TRDN: variants seen among roughly 807,000 people sequenced by gnomAD.
TRDN encodes triadin in skeletal muscle.
A neutral mutation model predicts 149.7 loss-of-function variants in TRDN; 161 were observed. The observed-to-expected ratio is 1.08, with a 90% confidence interval of 0.95 to 1.23. The LOEUF (loss-of-function observed/expected upper bound fraction) is 1.23, where lower values mean the gene tolerates loss of function less well. Ranked by LOEUF, TRDN falls within the 50% of genes most tolerant of loss-of-function variation. TRDN has a pLI of 0.00. For missense variants in TRDN, 896 were observed against 823.5 expected (o/e 1.09, Z -1.08); for synonymous variants, 294 against 250.5 (o/e 1.17, Z -1.64).
rs1391180722 is a variant in TRDN at position 123,516,164 on chromosome 6, TC to T, written c.526del (p.Glu176LysfsTer47). 1 of 1,492,342 alleles carries T rather than the reference TC, an allele frequency of 6.7e-7. No individual in the cohort carries two copies. Among genetic ancestry groups the T allele is most frequent in the Non-Finnish European group, 9.0e-7 (1 of 1,108,944 alleles). 92.4% of individuals were successfully genotyped at this position (1,492,342 alleles called of 1,614,324 possible). ...EKEKGKEKVR[E>X]KEKPEKKATH... The stretch of plus-strand genomic sequence containing the variant: ...ACCTTTCTTTTCAGGTTTTTCTTTT[TC>T]TCTTACTTTTTCTTTTCCTTTTTCT... On this transcript the variant is annotated frameshift_variant, in exon 6 of 41. Transcript: ENST00000334268. LOFTEE classifies it high-confidence loss of function.
chr6:123,489,052 TTTAATA>T (rs1778093355), intron 9 of TRDN: 1 of 152,184 alleles, frequency 6.6e-6, no homozygotes. Flanking sequence ...GATTCTGTGC[TTTAATA>T]TTATCACCTT....
chr6:123,375,611 T>G lies in TRDN; in HGVS notation c.1267A>C (p.Lys423Gln). Residue 423 changes from lysine (K) to glutamine (Q), a missense_variant, in exon 19 of 41, where the codon AAA (lysine) becomes CAA (glutamine). By Grantham distance (53) the Lys-to-Gln change is moderately conservative. Transcript: ENST00000334268. ...EHSVPSDKQVKAKTERAKEEI... is the reference protein window; with the variant it reads ...EHSVPSDKQVQAKTERAKEEI... ...AAAATTTTGTTCAACATACTTGCTT[T>G]TACTTGTTTGTCACTTGGAACTGTT... 2.6e-6 allele frequency: 4 copies of G among 1,533,814 alleles called. No homozygotes were observed. The highest frequency in any genetic ancestry group is 3.5e-6 in the Non-Finnish European group (4 of 1,139,198).
intron 1 of TRDN, among the ~76,000 whole-genome samples, chr6:123,600,655 G>T (rs1307641420): frequency 6.6e-6 from 1 of 152,032 alleles, no homozygotes; most frequent in Admixed American, 6.6e-5. Context: ...GACACACGGG[G>T]ATATGAAGTG....
At chr6:123,437,315 G>A (rs964719074) in intron 12 of TRDN, 1 of 294,716 alleles carries the variant, frequency 3.4e-6, no homozygotes, top group African/African-American at 2.3e-5. Flanking sequence ...TTTTCTTAGA[G>A]CATTTACTTC....
chr6:123,372,517 A>C (rs1405194371), intron 19 of TRDN, among the ~76,000 whole-genome samples: 1 of 152,120 alleles, frequency 6.6e-6, no homozygotes, highest in Non-Finnish European at 1.5e-5. Flanking sequence ...TTTCCTCAAA[A>C]TTCAAACTGA....
intron 1 of TRDN, among the ~76,000 whole-genome samples, chr6:123,635,825 C>T (rs1339615467): frequency 6.6e-6 from 1 of 151,894 alleles, no homozygotes; most frequent in African/African-American, 2.4e-5. Context: ...AGTTTTACCT[C>T]AACTAGAACC....
intron 12 of TRDN, among the ~76,000 whole-genome samples, chr6:123,400,041 T>G (rs981859166): frequency 1.3e-5 from 2 of 151,582 alleles, no homozygotes; most frequent in Non-Finnish European, 2.9e-5. Flanking sequence ...GCATTCTCCA[T>G]ATGAGTGATT....
Position 123,273,399 on chromosome 6 carries a change from C to T in TRDN, c.1598-36G>A, listed in dbSNP as rs7751099. ...TAAATAACATATTAGATTAAATTACCTGCAAAATGGAGTATTTAACAATAA... is the reference window on the plus strand; with the variant it reads ...TAAATAACATATTAGATTAAATTACTTGCAAAATGGAGTATTTAACAATAA... On this transcript the variant is annotated intron_variant, in intron 27 of 40. Coordinates refer to ENST00000334268, the MANE Select transcript of TRDN (RefSeq NM_006073.4). The T allele has an allele frequency of 7.5e-3, 6,731 of 898,090 alleles. 219 individuals carry two copies. The highest frequency in any genetic ancestry group is 0.06 in the South Asian group (2,907 of 48,854). The allele number at this position is 898,090 out of a possible 1,614,324, so 55.6% of individuals were successfully genotyped here.
intron 12 of TRDN, among the ~76,000 whole-genome samples, chr6:123,423,222 T>C (rs1773983898): frequency 6.6e-6 from 1 of 152,182 alleles, no homozygotes; most frequent in African/African-American, 2.4e-5. Flanking sequence ...GAATTTTGTT[T>C]CCTATTTTAT....
chr6:123,520,600 T>G (rs866685853), intron 5 of TRDN, among the ~76,000 whole-genome samples: 2 of 152,204 alleles, frequency 1.3e-5, no homozygotes, highest in Non-Finnish European at 2.9e-5. Flanking sequence ...AAAGTGAAGA[T>G]CAGGCAAATT....
intron 21 of TRDN, among the ~76,000 whole-genome samples, chr6:123,339,243 G>A (rs1304457227): frequency 6.6e-6 from 1 of 152,110 alleles, no homozygotes; most frequent in Non-Finnish European, 1.5e-5. Flanking sequence ...GACCTCAAGT[G>A]ATCTGCTGAA....
chr6:123,306,103 T>A (rs781279285), intron 24 of TRDN, among the ~76,000 whole-genome samples: 2 of 152,182 alleles, frequency 1.3e-5, no homozygotes, highest in Non-Finnish European at 2.9e-5. Flanking sequence ...GCCTGTCTAA[T>A]CTTTGTAAAG....
intron 6 of TRDN, among the ~76,000 whole-genome samples, chr6:123,514,257 AG>A (rs1779319003): frequency 1.3e-5 from 2 of 152,028 alleles, no homozygotes; most frequent in Admixed American, 1.3e-4. Flanking sequence ...TCTCATGCTG[AG>A]GCATGAGAAT....
chr6:123,570,976 CACGTGATTATCAGGGCA>C lies in TRDN; in HGVS notation c.162_178del (p.Ile54MetfsTer10), dbSNP rs2114537397. 1 of 1,613,854 alleles carries C rather than the reference CACGTGATTATCAGGGCA, an allele frequency of 6.2e-7. No individual in the cohort carries two copies. Among genetic ancestry groups the C allele is most frequent in the Non-Finnish European group, 8.5e-7 (1 of 1,179,830 alleles). ...AAACATAACGATGGCAACAGCTGAC[CACGTGATTATCAGGGCA>C]ATGACCAGAAGCCAGGCTGCAGGGG... On this transcript the variant is annotated frameshift_variant, in exon 2 of 41. Coordinates refer to ENST00000334268, the MANE Select transcript of TRDN (RefSeq NM_006073.4). LOFTEE classifies it high-confidence loss of function.
intron 1 of TRDN, among the ~76,000 whole-genome samples, chr6:123,607,739 A>G (rs147388723): frequency 1.3e-5 from 2 of 152,306 alleles, no homozygotes; most frequent in Non-Finnish European, 1.5e-5. Context: ...TAAGGAAAAT[A>G]TTAAAGCCTC....
intron 12 of TRDN, among the ~76,000 whole-genome samples, chr6:123,394,062 G>A (rs1008049462): frequency 6.6e-6 from 1 of 151,986 alleles, no homozygotes; most frequent in African/African-American, 2.4e-5. Context: ...CTTACTGAAG[G>A]TCCCTTAGTG....
chr6:123,445,980 C>A lies in TRDN; in HGVS notation c.932-6977G>T, dbSNP rs905204997. Reference sequence around the variant, plus strand: ...TATTCACGATAGCAAAGACTTGGAACCAACCCAAATGTCCAACAATGATAG... The same window carrying A: ...TATTCACGATAGCAAAGACTTGGAAACAACCCAAATGTCCAACAATGATAG... On this transcript the variant is annotated intron_variant, in intron 10 of 40. Coordinates refer to ENST00000334268, the MANE Select transcript of TRDN (RefSeq NM_006073.4). Among the ~76,000 whole-genome samples the A allele has an allele frequency of 2.7e-5, 4 of 146,510 alleles. 1 individual carries two copies. The highest frequency in any genetic ancestry group is 1.1e-4 in the African/African-American group (4 of 37,198).
intron 23 of TRDN, among the ~76,000 whole-genome samples, chr6:123,321,322 C>T (rs747020798): frequency 3.3e-5 from 5 of 152,112 alleles, no homozygotes; most frequent in Non-Finnish European, 5.9e-5. Flanking sequence ...TTTTAAACTA[C>T]TTTTCTCGCA....
At chr6:123,483,090 A>C (rs930408403) in intron 9 of TRDN, among the ~76,000 whole-genome samples, 11 of 145,688 alleles carry the variant, frequency 7.6e-5, no homozygotes, top group African/African-American at 2.5e-4. Flanking sequence ...TATTATTATT[A>C]TTATTATTAT....
Sources: gnomAD v4.1 joint callset for allele counts (sites outside exome capture counted in the v4.1 genomes callset) on GRCh38, gnomAD v4.1.1 for gene constraint, MANE v1.5 for transcripts, NCBI Gene and HGNC (gene_info 2026-07-23, HGNC 2026-07-21) for gene names.